Variants in IPPK observed in about 807,000 individuals in gnomAD.
IPPK encodes IPK1 homolog.
A neutral mutation model predicts 64.6 loss-of-function variants in IPPK; 22 were observed. The observed-to-expected ratio is 0.34, with a 90% CI of 0.24 to 0.49. The LOEUF (loss-of-function observed/expected upper bound fraction) is 0.49, where lower values mean the gene tolerates loss of function less well. Ranked by LOEUF, IPPK falls within the 20% of genes least tolerant of loss-of-function variation. The pLI is 0.99. For synonymous variants in IPPK, 262 were observed against 247.2 expected, an observed-to-expected ratio of 1.06 and a Z score of -0.56; for missense variants, 532 against 630.7, an observed-to-expected ratio of 0.84 and a Z score of 1.68.
chr9:92,622,213 A>G (rs1851652533), intron 11 of IPPK, among the ~76,000 whole-genome samples: 2 of 152,234 alleles, frequency 1.3e-5, no homozygotes, highest in African/African-American at 4.8e-5. Context: ...AAGGAAAAAA[A>G]AACCTACATT....
intron 1 of IPPK, among the ~76,000 whole-genome samples, chr9:92,662,707 A>G (rs1852510955): frequency 6.6e-6 from 1 of 152,262 alleles, no homozygotes; most frequent in Non-Finnish European, 1.5e-5. Context: ...CAAGGATTCT[A>G]ACAAGCCAAA....
In IPPK at chr9:92,635,939, C is replaced by A. The variant is rs540817224; in HGVS notation, c.917-631G>T. Reference sequence around the variant, plus strand: ...GTAAGACCTGGGCTGGCGACAGGCACGAGCTCAGAACCAGCCACACAGAGC... The same window carrying A: ...GTAAGACCTGGGCTGGCGACAGGCAAGAGCTCAGAACCAGCCACACAGAGC... On this transcript the variant is annotated intron_variant, in intron 9 of 12. Coordinates refer to ENST00000287996, the MANE Select transcript of IPPK (RefSeq NM_022755.6). This position sits in a 1 kb window ranked among gnomAD's most constrained non-coding sequence, Gnocchi z 4.4. Among the ~76,000 whole-genome samples, 11 of 152,202 alleles carry A rather than the reference C, an allele frequency of 7.2e-5. No homozygotes were observed. In the South Asian group the frequency reaches 2.1e-3, roughly 29 times the overall value.
chr9:92,618,927 G>A (rs1015109171), intron 12 of IPPK: 4 of 296,522 alleles, frequency 1.3e-5, no homozygotes, highest in African/African-American at 4.4e-5. Context: ...GCTGTCTAAC[G>A]ACTATGAGAT....
At position 92,640,915 on chromosome 9, in the gene IPPK, G is replaced by C; in HGVS notation, c.564-133C>G. The C allele has an allele frequency of 4.3e-6, 3 of 696,758 alleles. No homozygotes were observed. The Middle Eastern group carries it at 8.0e-4, about 185-fold the overall frequency. The allele number at this position is 696,758 out of a possible 1,614,324, so 43.2% of individuals were successfully genotyped here. A position where few individuals can be genotyped will look rare whatever the true frequency, so the allele number is the denominator to read the frequency against. On this transcript the variant is annotated intron_variant, in intron 7 of 12. Coordinates refer to ENST00000287996, the MANE Select transcript of IPPK (RefSeq NM_022755.6). Reference sequence around the variant, plus strand: ...GCTGGGAAACCCAGAGTCCAACTAGGTCCAAACAGTGACATTCTCCCCTCA... The same window carrying C: ...GCTGGGAAACCCAGAGTCCAACTAGCTCCAAACAGTGACATTCTCCCCTCA...
At chr9:92,664,617 T>C (rs1340125725) in intron 1 of IPPK, among the ~76,000 whole-genome samples, 1 of 152,154 alleles carries the variant, frequency 6.6e-6, no homozygotes, top group Non-Finnish European at 1.5e-5. Flanking sequence ...CTGACCCCTA[T>C]AGGCATGGAA....
At chr9:92,618,905 G>A (rs957821128) in intron 12 of IPPK, 5 of 311,108 alleles carry the variant, frequency 1.6e-5, no homozygotes, top group Admixed American at 9.0e-5. Context: ...CCTGAAGATC[G>A]GTGATGGAGA....
At chr9:92,665,924 CCAGA>C (rs1852586822) in intron 1 of IPPK, among the ~76,000 whole-genome samples, 1 of 152,100 alleles carries the variant, frequency 6.6e-6, no homozygotes, top group Non-Finnish European at 1.5e-5. Context: ...CCTTCAATGC[CCAGA>C]CAAATATCCC....
rs149821597 is a variant in IPPK at position 92,615,870 on chromosome 9, C to T, written c.1438G>A (p.Glu480Lys). ...AGAACTAATGTGCAATCTTCGCTTT[C>T]CTTGAACCGAGTCGACATCACGGCG... ...DNAVMSTRFK[E>K]SEDCTLVLHK... The change falls in exon 13 of 13, where the codon GAA becomes AAA. Residue 480 changes from glutamate (E) to lysine (K), a missense_variant. Coordinates refer to ENST00000287996, the MANE Select transcript of IPPK (RefSeq NM_022755.6). 36 of 1,614,052 alleles carry T rather than the reference C, an allele frequency of 2.2e-5. No individual in the cohort carries two copies. In the Middle Eastern group the frequency reaches 4.9e-4, roughly 22 times the overall value.
intron 11 of IPPK, among the ~76,000 whole-genome samples, chr9:92,630,555 G>T (rs752895778): frequency 6.6e-5 from 10 of 152,094 alleles, no homozygotes; most frequent in Non-Finnish European, 7.3e-5. Flanking sequence ...CAATAAAGTT[G>T]TTACAGAAAA....
intron 6 of IPPK, 134 bp downstream of exon 6, chr9:92,647,925 A>C: frequency 1.6e-6 from 1 of 627,314 alleles, no homozygotes. Context: ...AACATGAATC[A>C]CTTTGTGAAA....
rs780811338 is a variant in IPPK, at chr9:92,642,813, G to A, written c.505-3C>T. 7 of 1,613,422 alleles carry A rather than the reference G, an allele frequency of 4.3e-6. No individual in the cohort carries two copies. The Admixed American group carries it at 1.0e-4, about 23-fold the overall frequency. On this transcript the variant is annotated splice_region_variant and splice_polypyrimidine_tract_variant and intron_variant, in intron 6 of 12. Coordinates refer to ENST00000287996, the MANE Select transcript of IPPK (RefSeq NM_022755.6). ...TGCTTCCACTTCCCAGTTGCTACCT[G>A]TGAAAACACCAACAGGAGGGCATGA...
intron 1 of IPPK, among the ~76,000 whole-genome samples, chr9:92,659,605 G>C (rs561591009): frequency 1.3e-5 from 2 of 152,144 alleles, no homozygotes; most frequent in African/African-American, 2.4e-5. Context: ...GTGCAAAGGT[G>C]GGGGGTCCAA....
At chr9:92,664,785 C>T (rs375477091) in intron 1 of IPPK, among the ~76,000 whole-genome samples, 3 of 152,210 alleles carry the variant, frequency 2.0e-5, no homozygotes, top group South Asian at 4.1e-4. Flanking sequence ...TCTGCAGACA[C>T]AGTAATGATG....
rs372021752 is a variant in IPPK at position 92,638,194 on chromosome 9, G to A, written c.723C>T (p.Phe241=). The A allele has an allele frequency of 3.1e-5, 50 of 1,614,156 alleles. No individual in the cohort carries two copies. The highest frequency in any genetic ancestry group is 4.2e-5 in the Non-Finnish European group (50 of 1,180,056). The change falls in exon 9 of 13, where the codon TTC becomes TTT. Residue 241 remains phenylalanine, a synonymous_variant. Coordinates refer to ENST00000287996, the MANE Select transcript of IPPK (RefSeq NM_022755.6). ...CACTGGCCAGGCCGTTGGAAGGGAA[G>A]AAGAACGGCTTCAGGTGGTGTGCAA... is the stretch of plus-strand genomic sequence containing the variant. ...SELAHHLKPF[F]FPSNGLASGP...
At chr9:92,631,492 A>C (rs1263166312) in intron 11 of IPPK, among the ~76,000 whole-genome samples, 1 of 152,252 alleles carries the variant, frequency 6.6e-6, no homozygotes, top group Non-Finnish European at 1.5e-5. Flanking sequence ...CACAGGGTTC[A>C]ATTAGATAAA....
chr9:92,624,971 C>G (rs1246897704), intron 11 of IPPK, among the ~76,000 whole-genome samples: 1 of 150,840 alleles, frequency 6.6e-6, no homozygotes, highest in African/African-American at 2.4e-5. Flanking sequence ...AGTTCAAAAA[C>G]AGGACAGACT....
At chr9:92,660,006 A>G (rs1167693768) in intron 1 of IPPK, among the ~76,000 whole-genome samples, 1 of 152,048 alleles carries the variant, frequency 6.6e-6, no homozygotes, top group East Asian at 1.9e-4. Flanking sequence ...GCAGGCATCA[A>G]CAATCAATCA....
intron 3 of IPPK, 51 bp from the exon 4 acceptor site, chr9:92,652,690 C>T (rs1852291248): frequency 1.0e-6 from 1 of 955,906 alleles, no homozygotes; most frequent in East Asian, 2.4e-5. Context: ...ATGACATGAA[C>T]ACAATGCCAC....
At chr9:92,618,990 G>A (rs979922297) in intron 12 of IPPK, 3 of 252,948 alleles carry the variant, frequency 1.2e-5, no homozygotes, top group African/African-American at 4.5e-5. Flanking sequence ...CAAAACTAGT[G>A]ACATTAGGGA....
Sources: gnomAD v4.1 joint callset for allele counts (sites outside exome capture counted in the v4.1 genomes callset) on GRCh38, gnomAD v4.1.1 for gene constraint, Gnocchi (gnomAD v3.1) non-coding constraint, MANE v1.5 for transcripts, NCBI Gene and HGNC (gene_info 2026-07-23, HGNC 2026-07-21) for gene names.